Variants in RAB5A observed in about 807,000 individuals in gnomAD.
RAB5A encodes the protein RAB5A, member RAS oncogene family.
RAB5A carries 8 observed loss-of-function variants against 25.7 expected under a neutral mutation model. The observed-to-expected ratio is 0.31, with a 90% CI of 0.18 to 0.56. The LOEUF is 0.56. Ranked by LOEUF, RAB5A falls within the 20% of genes least tolerant of loss-of-function variation. RAB5A has a pLI of 0.91. For synonymous variants in RAB5A, 98 were observed against 89.8 expected, an observed-to-expected ratio of 1.09 and a Z score of -0.52; for missense variants, 192 against 259.7, an observed-to-expected ratio of 0.74 and a Z score of 1.79.
rs574899435 is a variant in RAB5A at position 19,984,664 on chromosome 3, T to G, written c.*841T>G. 1.3e-5 allele frequency: 2 copies of G among 156,648 alleles called. No individual in the cohort carries two copies. The highest frequency in any genetic ancestry group is 1.9e-4 in the East Asian group (1 of 5,246). The allele number at this position is 156,648 out of a possible 1,614,324, so 9.7% of individuals were successfully genotyped here. ...ATAATATAGTCAATGCACTAACAAT[T>G]ATGTATATTCAAACTTGATTATTTT... On this transcript the variant is annotated 3_prime_UTR_variant, in exon 6 of 6. Transcript: ENST00000273047.
intron 2 of RAB5A, 40 bp from the exon 3 acceptor site, chr3:19,975,561 G>C: frequency 6.3e-7 from 1 of 1,591,010 alleles, no homozygotes; most frequent in South Asian, 1.1e-5. Context: ...GAAAACATTT[G>C]GAGAAAAATG....
chr3:19,970,650 C>G (rs1224780050), intron 2 of RAB5A: 1 of 452,812 alleles, frequency 2.2e-6, no homozygotes, highest in African/African-American at 2.0e-5. Flanking sequence ...ATGAAGCGGT[C>G]TAAGAGTGAT....
intron 1 of RAB5A, among the ~76,000 whole-genome samples, chr3:19,948,087 T>C (rs1696356665): frequency 6.6e-6 from 1 of 152,196 alleles, no homozygotes; most frequent in Non-Finnish European, 1.5e-5. Context: ...ACTTGTTTTC[T>C]GTTTGGAAGG....
chr3:19,971,663 C>T (rs151009295), intron 2 of RAB5A, among the ~76,000 whole-genome samples: 2,132 of 152,148 alleles, frequency 0.014, 117 homozygotes, highest in East Asian at 0.11. Context: ...TTAGTAGAGA[C>T]GAGGTTTCGC....
At chr3:19,953,671 G>A (rs1696458060) in intron 2 of RAB5A, among the ~76,000 whole-genome samples, 1 of 152,148 alleles carries the variant, frequency 6.6e-6, no homozygotes, top group African/African-American at 2.4e-5. Flanking sequence ...GGCTCTCCAA[G>A]TGCTGGGATT....
chr3:19,970,353 C>T (rs992466974), intron 2 of RAB5A, among the ~76,000 whole-genome samples: 2 of 152,176 alleles, frequency 1.3e-5, no homozygotes, highest in African/African-American at 4.8e-5. Context: ...ACATTTAAAG[C>T]TTCAGCTATT....
At chr3:19,980,731 CT>C (rs1198340134) in intron 5 of RAB5A, among the ~76,000 whole-genome samples, 1 of 152,094 alleles carries the variant, frequency 6.6e-6, no homozygotes, top group African/African-American at 2.4e-5. Flanking sequence ...ATTTCTGGGG[CT>C]TTGCTTGTAA....
chr3:19,978,932 C>T (rs1206634536), intron 5 of RAB5A: 1 of 151,686 alleles, frequency 6.6e-6, no homozygotes, highest in Non-Finnish European at 1.5e-5. Flanking sequence ...TTTATATTAC[C>T]TCAGATGGTC....
At chr3:19,975,374 G>C (rs1163425018) in intron 2 of RAB5A, 1 of 392,500 alleles carries the variant, frequency 2.5e-6, no homozygotes, top group East Asian at 4.3e-5. Flanking sequence ...GCACAGGTTT[G>C]CCAGTATTTA....
chr3:19,951,087 C>A (rs1290051935), intron 2 of RAB5A, 26 bp downstream of exon 2: 5 of 1,605,898 alleles, frequency 3.1e-6, no homozygotes, highest in Non-Finnish European at 4.3e-6. Context: ...TTCCCTGCTT[C>A]ATTTAATCGA....
At position 19,951,014 on chromosome 3, in the gene RAB5A, G is replaced by A. The variant is rs1559484871; in HGVS notation, c.116G>A (p.Arg39His). ...GTTGGCAAATCAAGCCTAGTGCTTC[G>A]TTTTGTGAAAGGCCAATTTCATGAA... is the stretch of plus-strand genomic sequence containing the variant. ...SAVGKSSLVLRFVKGQFHEFQ... is the reference protein window; with the variant it reads ...SAVGKSSLVLHFVKGQFHEFQ... The change falls in exon 2 of 6, where the codon CGT (arginine) becomes CAT (histidine). Residue 39 changes from arginine (R) to histidine (H), a missense_variant. By Grantham distance (29) the Arg-to-His change is conservative. Around this residue, in one of 3 missense-constraint regions of RAB5A, gnomAD observed 39 missense variants for 91.6 expected, o/e 0.43. Coordinates refer to ENST00000273047, the MANE Select transcript of RAB5A (RefSeq NM_004162.5). The A allele has an allele frequency of 1.2e-6, 2 of 1,613,996 alleles. No homozygotes were observed. Among genetic ancestry groups the A allele is most frequent in the Non-Finnish European group, 1.7e-6 (2 of 1,179,914 alleles).
At chr3:19,969,395 ATG>A (rs1696712239) in intron 2 of RAB5A, among the ~76,000 whole-genome samples, 1 of 152,162 alleles carries the variant, frequency 6.6e-6, no homozygotes. Flanking sequence ...TGTTTTGACT[ATG>A]TGGATGATTT....
At chr3:19,967,706 A>G (rs180827575) in intron 2 of RAB5A, among the ~76,000 whole-genome samples, 4 of 152,168 alleles carry the variant, frequency 2.6e-5, no homozygotes, top group East Asian at 3.9e-4. Flanking sequence ...CACAGTGTGT[A>G]TGCTTTACTG....
At chr3:19,963,369 C>T (rs1239988353) in intron 2 of RAB5A, among the ~76,000 whole-genome samples, 1 of 65,094 alleles carries the variant, frequency 1.5e-5, no homozygotes, top group Non-Finnish European at 3.0e-5. Context: ...ATTTCACCCC[C>T]CCCCCCCCCG....
intron 5 of RAB5A, chr3:19,978,887 A>T (rs1379861124): frequency 6.6e-6 from 1 of 152,368 alleles, no homozygotes; most frequent in African/African-American, 2.4e-5. Context: ...ATAGAGGCGT[A>T]AGGAGAAAAA....
chr3:19,972,963 GA>G (rs899869588), intron 2 of RAB5A, among the ~76,000 whole-genome samples: 3 of 152,044 alleles, frequency 2.0e-5, no homozygotes, highest in African/African-American at 4.8e-5. Flanking sequence ...TATTAAGGGG[GA>G]AAAAATTAAC....
intron 2 of RAB5A, among the ~76,000 whole-genome samples, chr3:19,955,553 G>A (rs1194598600): frequency 6.6e-6 from 1 of 152,070 alleles, no homozygotes; most frequent in Non-Finnish European, 1.5e-5. Context: ...ACCCATACAT[G>A]GAATAATTGG....
intron 5 of RAB5A, among the ~76,000 whole-genome samples, chr3:19,980,761 T>C (rs527530607): frequency 4.1e-4 from 62 of 152,274 alleles, no homozygotes; most frequent in African/African-American, 1.5e-3. Context: ...GACTGGAGAT[T>C]TACCATTATA....
chr3:19,954,641 A>G (rs1196570027), intron 2 of RAB5A, among the ~76,000 whole-genome samples: 1 of 152,004 alleles, frequency 6.6e-6, no homozygotes, highest in Non-Finnish European at 1.5e-5. Context: ...AACATAGCAA[A>G]ACCCCGTCTT....
Sources: allele counts gnomAD v4.1 joint callset (sites outside exome capture counted in the v4.1 genomes callset), GRCh38; gene constraint gnomAD v4.1.1; regional missense constraint gnomAD v4.1.1; transcripts MANE v1.5; gene names NCBI Gene and HGNC (gene_info 2026-07-23, HGNC 2026-07-21).